The following DNAH3 variants were observed in gnomAD, a reference collection of about 807,000 sequenced individuals.
DNAH3 encodes dynein axonemal heavy chain 3.
Under a neutral mutation model 432.5 loss-of-function variants are expected in DNAH3, and 332 were observed. The observed-to-expected ratio is 0.77, with a 90% CI of 0.70 to 0.84. The LOEUF is 0.84. Ranked by LOEUF, DNAH3 falls within the 40% of genes least tolerant of loss-of-function variation. The pLI is 0.00. For missense variants in DNAH3, 4,861 were observed against 5,114.0 expected (o/e 0.95, Z 1.51); for synonymous variants, 1,956 against 1,900.2 (o/e 1.03, Z -0.76).
At chr16:21,069,306 T>A in intron 23 of DNAH3, 109 bp downstream of exon 23, 1 of 994,528 alleles carries the variant, frequency 1.0e-6, no homozygotes, top group Non-Finnish European at 1.5e-6. Flanking sequence ...AAAGATTGAT[T>A]TTCCAAAACT....
At chr16:20,971,130 A>G (rs1224062977) in intron 51 of DNAH3, among the ~76,000 whole-genome samples, 2 of 151,732 alleles carry the variant, frequency 1.3e-5, no homozygotes, top group East Asian at 1.9e-4. Context: ...GGCCTCCCAA[A>G]GTGCTGGGAT....
intron 37 of DNAH3, among the ~76,000 whole-genome samples, chr16:21,030,290 C>T (rs2088808164): frequency 6.6e-6 from 1 of 152,206 alleles, no homozygotes; most frequent in African/African-American, 2.4e-5. Context: ...ACTTCCACTT[C>T]CTGACTCTTG....
intron 41 of DNAH3, among the ~76,000 whole-genome samples, chr16:21,010,410 CT>C (rs1456703288): frequency 6.6e-6 from 1 of 152,106 alleles, no homozygotes; most frequent in Non-Finnish European, 1.5e-5. Context: ...CAGTAAGTGA[CT>C]TTTCAAAGGT....
intron 55 of DNAH3, among the ~76,000 whole-genome samples, chr16:20,953,215 G>C (rs2084395490): frequency 6.6e-6 from 1 of 151,574 alleles, no homozygotes; most frequent in South Asian, 2.1e-4. Flanking sequence ...CTGGAATGCA[G>C]TGTCGTGATC....
chr16:20,996,226 A>G (rs2086755804), intron 44 of DNAH3, among the ~76,000 whole-genome samples: 1 of 152,222 alleles, frequency 6.6e-6, no homozygotes, highest in African/African-American at 2.4e-5. Context: ...TGTAGATAAT[A>G]TAATACATAT....
At chr16:20,982,353 T>G (rs985236257) in intron 49 of DNAH3, among the ~76,000 whole-genome samples, 50 of 152,112 alleles carry the variant, frequency 3.3e-4, no homozygotes, top group African/African-American at 1.2e-3. Context: ...ACCAAGGAAC[T>G]CCAGCCTGGG....
chr16:21,020,800 T>A (rs930503526), intron 40 of DNAH3, among the ~76,000 whole-genome samples: 2 of 152,154 alleles, frequency 1.3e-5, no homozygotes, highest in Non-Finnish European at 1.5e-5. Context: ...AGTGCATTCA[T>A]ATTGCTGTGC....
intron 15 of DNAH3, chr16:21,104,588 T>A: frequency 3.8e-6 from 6 of 1,570,040 alleles, no homozygotes; most frequent in Non-Finnish European, 5.3e-6. Context: ...CAATTTGATG[T>A]CCTCATCTGC....
At chr16:20,983,315 G>A (rs980098590) in intron 48 of DNAH3, among the ~76,000 whole-genome samples, 1 of 151,824 alleles carries the variant, frequency 6.6e-6, no homozygotes, top group Non-Finnish European at 1.5e-5. Flanking sequence ...TAGTAGAGAC[G>A]GGGTTTCACC....
intron 1 of DNAH3, among the ~76,000 whole-genome samples, chr16:21,158,925 C>G (rs551298573): frequency 1.3e-4 from 20 of 152,078 alleles, no homozygotes; most frequent in Admixed American, 9.8e-4. Flanking sequence ...TATGAGTCGC[C>G]GGGACGGGGC....
exon 49 of DNAH3, chr16:20,982,727 C>T (rs762152693): frequency 4.3e-6 from 7 of 1,613,504 alleles, no homozygotes; most frequent in African/African-American, 1.3e-5. Context: ...TTACTCTACC[C>T]GAATGTTGTC....
At chr16:21,077,256 G>A (rs1387417024) in intron 20 of DNAH3, among the ~76,000 whole-genome samples, 5 of 151,958 alleles carry the variant, frequency 3.3e-5, no homozygotes, top group Admixed American at 6.6e-5. Flanking sequence ...TCTGCCTCCC[G>A]GATTCAAGCG....
At chr16:21,136,250 C>A (rs2092641478) in intron 6 of DNAH3, 74 bp downstream of exon 7, 2 of 1,438,720 alleles carry the variant, frequency 1.4e-6, no homozygotes, top group South Asian at 1.2e-5. Flanking sequence ...CTTGTCTCTA[C>A]AAAAATAAAA....
chr16:21,109,108 G>A (rs2092011763), intron 14 of DNAH3, among the ~76,000 whole-genome samples: 3 of 147,768 alleles, frequency 2.0e-5, no homozygotes, highest in East Asian at 3.9e-4. Flanking sequence ...GAACAACAGA[G>A]CGAGACTCTG....
intron 60 of DNAH3, among the ~76,000 whole-genome samples, chr16:20,936,187 C>T (rs1232512925): frequency 6.6e-6 from 1 of 151,456 alleles, no homozygotes; most frequent in Non-Finnish European, 1.5e-5. Flanking sequence ...GAGTCTTGCT[C>T]TGTCGCCCAG....
At chr16:20,963,502 G>C (rs200928718) in exon 53 of DNAH3, 782 of 1,614,114 alleles carry the variant, frequency 4.8e-4, no homozygotes, top group South Asian at 1.3e-3. Flanking sequence ...CCAAGACCCA[G>C]GGAGTTGCTC....
chr16:21,042,360 GA>G (rs1310016759), intron 31 of DNAH3, among the ~76,000 whole-genome samples, 157 bp from the exon 32 acceptor site: 2 of 152,106 alleles, frequency 1.3e-5, no homozygotes, highest in Non-Finnish European at 2.9e-5. Flanking sequence ...GTTTTGGTAA[GA>G]AAAAAGAATA....
chr16:20,938,732 G>C (rs1319513487), intron 59 of DNAH3, among the ~76,000 whole-genome samples: 1 of 150,276 alleles, frequency 6.7e-6, no homozygotes, highest in Non-Finnish European at 1.5e-5. Context: ...AGTACTGCTT[G>C]AGATGATTAA....
At chr16:20,969,282 ATG>A (rs1196669041) in intron 52 of DNAH3, among the ~76,000 whole-genome samples, 3 of 146,540 alleles carry the variant, frequency 2.0e-5, no homozygotes, top group Non-Finnish European at 4.5e-5. Context: ...GTGTGCATGC[ATG>A]TGTGTGCATG....
Sources: allele counts gnomAD v4.1 joint callset (sites outside exome capture counted in the v4.1 genomes callset), GRCh38; gene constraint gnomAD v4.1.1; transcripts MANE v1.5; gene names NCBI Gene and HGNC (gene_info 2026-07-23, HGNC 2026-07-21).